The following HSPBP1 variants were observed in gnomAD, a reference collection of about 807,000 sequenced individuals.
HSPBP1 encodes hsp70-binding protein 1.
A neutral mutation model predicts 41.7 loss-of-function variants in HSPBP1; 31 were observed. The observed-to-expected ratio is 0.74, with a 90% CI of 0.56 to 1.00. The LOEUF (loss-of-function observed/expected upper bound fraction) is 1.00, where lower values mean the gene tolerates loss of function less well. HSPBP1 is among the 50% of genes least tolerant of loss of function. The probability of loss-of-function intolerance (pLI) is 0.00; values close to 1 mark genes in which losing one functional copy is unlikely to be tolerated. For synonymous variants in HSPBP1, 199 were observed against 214.4 expected (o/e 0.93, Z 0.63); for missense variants, 439 against 487.9 (o/e 0.90, Z 0.94).
chr19:55,270,837 A>G lies in HSPBP1; in HGVS notation c.640+3561T>C, dbSNP rs116292501. ...CACCCCACATACCCCACACATATAC[A>G]TACATCCCCCCAGCACACACATCCC... On this transcript the variant is annotated intron_variant, in intron 4 of 7. Coordinates refer to ENST00000433386, the MANE Select transcript of HSPBP1 (RefSeq NM_012267.5). This position sits in a 1 kb window ranked among gnomAD's most constrained non-coding sequence, Gnocchi z 5.4. Among the ~76,000 whole-genome samples the G allele has an allele frequency of 2.2e-3, 336 of 151,258 alleles. No individual in the cohort carries two copies. Among genetic ancestry groups the G allele is most frequent in the African/African-American group, 7.6e-3 (313 of 41,150 alleles).
In HSPBP1 at chr19:55,266,299, G is replaced by T. The variant is rs965595040; in HGVS notation, c.641-13C>A. ...TCTCGGACCAGACCTGGGAGAGGGG[G>T]AAAGGTCCTGAGCTTGCAGTCACCA... On this transcript the variant is annotated splice_polypyrimidine_tract_variant and intron_variant, in intron 4 of 7. Coordinates refer to ENST00000433386, the MANE Select transcript of HSPBP1 (RefSeq NM_012267.5). 3 of 1,560,866 alleles carry T rather than the reference G, an allele frequency of 1.9e-6. No individual in the cohort carries two copies. The Admixed American group carries it at 5.7e-5, about 30-fold the overall frequency.
intron 3 of HSPBP1, among the ~76,000 whole-genome samples, chr19:55,276,290 C>T (rs907798592): frequency 5.3e-5 from 8 of 151,920 alleles, no homozygotes; most frequent in South Asian, 2.1e-4. Context: ...GGGGGAGGGC[C>T]GGCCTAATGG....
chr19:55,277,719 T>G lies in HSPBP1; in HGVS notation c.338A>C (p.Gln113Pro). Residue 113 changes from glutamine to proline, a missense_variant, in exon 3 of 8, where the codon CAG becomes CCG. Coordinates refer to ENST00000433386, the MANE Select transcript of HSPBP1 (RefSeq NM_012267.5). Reference sequence around the variant, plus strand: ...CTCTCGCTCTTGCTGGTCGGCCGCCTGCTCGGCCTCCCCAGCAGTGGGGGG... The same window carrying G: ...CTCTCGCTCTTGCTGGTCGGCCGCCGGCTCGGCCTCCCCAGCAGTGGGGGG... ...PMPPTAGEAEQAADQQEREGA... is the reference protein window; with the variant it reads ...PMPPTAGEAEPAADQQEREGA... The G allele has an allele frequency of 6.2e-7, 1 of 1,606,082 alleles. No individual in the cohort carries two copies. Among genetic ancestry groups the G allele is most frequent in the South Asian group, 1.1e-5 (1 of 89,670 alleles).
At chr19:55,274,689 T>A (rs574309964) in intron 3 of HSPBP1, 67 bp from the exon 4 acceptor site, 3 of 1,334,268 alleles carry the variant, frequency 2.2e-6, no homozygotes, top group East Asian at 4.9e-5. Context: ...CCAAAATGCA[T>A]GGGTTGATGT....
At position 55,268,423 on chromosome 19, in the gene HSPBP1, T is replaced by A. The variant is rs369354188; in HGVS notation, c.641-2137A>T. ...CCAGCCTGAGCAAAAAGAGCGAAACTCCATCTCACACACACACAAAAAGAA... is the reference window on the plus strand; with the variant it reads ...CCAGCCTGAGCAAAAAGAGCGAAACACCATCTCACACACACACAAAAAGAA... On this transcript the variant is annotated intron_variant, in intron 4 of 7. Transcript: ENST00000433386. This position sits in a 1 kb window ranked among gnomAD's most constrained non-coding sequence, Gnocchi z 4.5. Among the ~76,000 whole-genome samples, 2 of 151,856 alleles carry A rather than the reference T, an allele frequency of 1.3e-5. No individual in the cohort carries two copies. Among genetic ancestry groups the A allele is most frequent in the East Asian group, 3.9e-4 (2 of 5,180 alleles).
intron 3 of HSPBP1, among the ~76,000 whole-genome samples, chr19:55,277,441 G>A (rs1235988382): frequency 6.6e-6 from 1 of 152,168 alleles, no homozygotes; most frequent in Non-Finnish European, 1.5e-5. Flanking sequence ...CCATCTCAGA[G>A]CTGATCAGGG....
Position 55,262,398 on chromosome 19 carries a change from ACGGGG to A in HSPBP1, c.*205_*209del. ...TTGGAAGAGCTGTGTGGACAAGAGAACGGGGATGAGAGTGAGAGCATGGGAGGTGG... is the reference window on the plus strand; with the variant it reads ...TTGGAAGAGCTGTGTGGACAAGAGAAATGAGAGTGAGAGCATGGGAGGTGG... On this transcript the variant is annotated 3_prime_UTR_variant, in exon 8 of 8. Coordinates refer to ENST00000433386, the MANE Select transcript of HSPBP1 (RefSeq NM_012267.5). 1 of 1,392,080 alleles carries A rather than the reference ACGGGG, an allele frequency of 7.2e-7. No homozygotes were observed. Among genetic ancestry groups the A allele is most frequent in the Non-Finnish European group, 9.3e-7 (1 of 1,073,876 alleles). The allele number at this position is 1,392,080 out of a possible 1,614,324, so 86.2% of individuals were successfully genotyped here. A position where few individuals can be genotyped will look rare whatever the true frequency, so the allele number is the denominator to read the frequency against.
At chr19:55,279,281 T>A (rs1468844433) in intron 2 of HSPBP1, 118 bp downstream of exon 2, 2 of 833,440 alleles carry the variant, frequency 2.4e-6, no homozygotes, top group Non-Finnish European at 3.8e-6. Context: ...CACCTGGTTT[T>A]CTGCCTCCCA....
chr19:55,273,037 C>T (rs1005905954), intron 4 of HSPBP1, among the ~76,000 whole-genome samples: 8 of 152,170 alleles, frequency 5.3e-5, no homozygotes, highest in Admixed American at 2.6e-4. Flanking sequence ...TGCTCTGTCA[C>T]GCAGGCTGGA....
At chr19:55,271,707 G>A (rs2087928001) in intron 4 of HSPBP1, among the ~76,000 whole-genome samples, 1 of 152,186 alleles carries the variant, frequency 6.6e-6, no homozygotes, top group African/African-American at 2.4e-5. Context: ...GAAAGAGGGT[G>A]TTGGACCCCC....
intron 4 of HSPBP1, 38 bp downstream of exon 4, chr19:55,274,356 CACCG>C: frequency 3.0e-6 from 2 of 664,192 alleles, no homozygotes; most frequent in Non-Finnish European, 4.9e-6. Context: ...CACCCCCCCC[CACCG>C]CCAGCACCCC....
At position 55,270,282 on chromosome 19, in the gene HSPBP1, G is replaced by A. The variant is rs141931419; in HGVS notation, c.641-3996C>T. Reference sequence around the variant, plus strand: ...TGGTGAGGCCGCTCACGCAGCCCGAGCTTCCTGCCAACTGCCAGCAAAACT... The same window carrying A: ...TGGTGAGGCCGCTCACGCAGCCCGAACTTCCTGCCAACTGCCAGCAAAACT... On this transcript the variant is annotated intron_variant, in intron 4 of 7. Coordinates refer to ENST00000433386, the MANE Select transcript of HSPBP1 (RefSeq NM_012267.5). The surrounding 1 kb of genome is among the most constrained non-coding windows in gnomAD (Gnocchi z 5.4). 7.9e-5 allele frequency among the ~76,000 whole-genome samples: 12 copies of A among 152,336 alleles called. No homozygotes were observed. The East Asian group carries it at 1.5e-3, about 20-fold the overall frequency.
At chr19:55,274,356 C>CCCCCCCCCCCCCCCCCAA in intron 4 of HSPBP1, 42 bp downstream of exon 4, 1 of 664,196 alleles carries the variant, frequency 1.5e-6, no homozygotes, top group Non-Finnish European at 2.4e-6. Flanking sequence ...CACCCCCCCC[C>CCCCCCCCCCCCCCCCCAA]ACCGCCAGCA....
chr19:55,273,929 A>AG (rs2087990382), intron 4 of HSPBP1, among the ~76,000 whole-genome samples: 1 of 151,068 alleles, frequency 6.6e-6, no homozygotes, highest in Non-Finnish European at 1.5e-5. Context: ...AATGAAAAAA[A>AG]AAAGAAGAAG....
rs1373888256 is a variant in HSPBP1 at position 55,270,125 on chromosome 19, T to G, written c.641-3839A>C. 6.6e-6 allele frequency among the ~76,000 whole-genome samples: 1 copy of G among 152,146 alleles called. No individual in the cohort carries two copies. The highest frequency in any genetic ancestry group is 2.4e-5 in the African/African-American group (1 of 41,416). The stretch of plus-strand genomic sequence containing the variant: ...TGCAGCCACCAAAAAAAAGGACAGA[T>G]GCCACTGAATGGTATACTTTAACAT... On this transcript the variant is annotated intron_variant, in intron 4 of 7. Coordinates refer to ENST00000433386, the MANE Select transcript of HSPBP1 (RefSeq NM_012267.5). This position sits in a 1 kb window ranked among gnomAD's most constrained non-coding sequence, Gnocchi z 5.4.
chr19:55,275,968 T>G (rs927495900), intron 3 of HSPBP1, among the ~76,000 whole-genome samples: 33 of 143,622 alleles, frequency 2.3e-4, no homozygotes, highest in African/African-American at 7.8e-4. Context: ...AAAAAAAAAA[T>G]TTGCCAGGCC....
intron 4 of HSPBP1, among the ~76,000 whole-genome samples, chr19:55,267,686 C>G (rs1381114911): frequency 6.6e-6 from 1 of 151,856 alleles, no homozygotes; most frequent in African/African-American, 2.4e-5. Flanking sequence ...GTATTGAACT[C>G]CAGACCTCAT....
chr19:55,275,903 G>A (rs1416852590), intron 3 of HSPBP1, among the ~76,000 whole-genome samples: 7 of 150,344 alleles, frequency 4.7e-5, no homozygotes, highest in East Asian at 3.9e-4. Flanking sequence ...AGCTGAGATC[G>A]CGCCATTGCA....
rs1240494518 is a variant in HSPBP1 at position 55,274,643 on chromosome 19, G to C, written c.416-21C>G. On this transcript the variant is annotated intron_variant, in intron 3 of 7. Coordinates refer to ENST00000433386, the MANE Select transcript of HSPBP1 (RefSeq NM_012267.5). ...GAAGTCTGTGCCACAGAGGGGAGCA[G>C]AGAGAGGCCAGATGTTAGGGACTGA... The C allele has an allele frequency of 2.5e-6, 4 of 1,589,660 alleles. No homozygotes were observed. The Admixed American group carries it at 6.7e-5, about 27-fold the overall frequency.
Sources: gnomAD v4.1 joint callset for allele counts (sites outside exome capture counted in the v4.1 genomes callset) on GRCh38, gnomAD v4.1.1 for gene constraint, Gnocchi (gnomAD v3.1) non-coding constraint, MANE v1.5 for transcripts, NCBI Gene and HGNC (gene_info 2026-07-23, HGNC 2026-07-21) for gene names.